TFE3: variants seen among roughly 807,000 people sequenced by gnomAD.
The protein encoded by TFE3 is transcription factor binding to IGHM enhancer 3, also known as transcription factor E3.
In TFE3, 5 loss-of-function variants were observed where a neutral mutation model predicts 35.0. The observed-to-expected ratio is 0.14, with a 90% CI of 0.07 to 0.30. The LOEUF is 0.30. Ranked by LOEUF, TFE3 falls within the 10% of genes least tolerant of loss-of-function variation. TFE3 has a pLI of 1.00. For synonymous variants in TFE3, 211 were observed against 215.6 expected (o/e 0.98, Z 0.18); for missense variants, 374 against 496.6 (o/e 0.75, Z 2.35).
intron 1 of TFE3, among the ~76,000 whole-genome samples, chrX:49,041,326 A>T (rs1234478438): frequency 9.0e-6 from 1 of 111,727 alleles, no homozygotes; most frequent in Non-Finnish European, 1.9e-5. Flanking sequence ...CCCTCAGCAT[A>T]ACAGTCCCTT....
intron 8 of TFE3, among the ~76,000 whole-genome samples, chrX:49,032,772 T>A (rs2147769544): frequency 9.1e-6 from 1 of 110,268 alleles, no homozygotes; most frequent in South Asian, 3.9e-4. Flanking sequence ...CCTCCCGGGT[T>A]CAAGTGATTC....
chrX:49,033,587 C>G, intron 7 of TFE3, 47 bp from the exon 8 acceptor site: 1 of 1,191,900 alleles, frequency 8.4e-7, no homozygotes, highest in Non-Finnish European at 1.1e-6. Context: ...AAAGAGTTGT[C>G]AATTAGCCAA....
Position 49,038,085 on chromosome X carries a change from G to A in TFE3, c.810C>T (p.Ser270=), listed in dbSNP as rs2147775936. 8.3e-7 allele frequency: 1 copy of A among 1,208,628 alleles called. No individual in the cohort carries two copies. The highest frequency in any genetic ancestry group is 1.8e-5 in the South Asian group (1 of 56,331). ...EIDDVIDEII[S]LESSYNDEML... Reference sequence around the variant, plus strand: ...TTTCATCATTGTAACTGGACTCCAGGCTGATGATCTCATCAATGACATCAT... The same window carrying A: ...TTTCATCATTGTAACTGGACTCCAGACTGATGATCTCATCAATGACATCAT... The change falls in exon 5 of 10, where the codon AGC becomes AGT. Residue 270 remains serine (S), a synonymous_variant. Transcript: ENST00000315869.
At chrX:49,033,603 G>C (rs1367355559) in intron 7 of TFE3, 63 bp from the exon 8 acceptor site, 1 of 1,184,328 alleles carries the variant, frequency 8.4e-7, no homozygotes, top group African/African-American at 1.8e-5. Flanking sequence ...GCCAAAAATG[G>C]AAGAGACAGA....
At position 49,030,406 on chromosome X, in the gene TFE3, C is replaced by T. The variant is rs782068672; in HGVS notation, c.1480G>A (p.Ala494Thr). The T allele has an allele frequency of 8.3e-7, 1 of 1,211,376 alleles. No individual in the cohort carries two copies. The highest frequency in any genetic ancestry group is 1.8e-5 in the South Asian group (1 of 56,982). Residue 494 changes from alanine to threonine, a missense_variant, in exon 10 of 10, where the codon GCA becomes ACA. Ala to Thr is a moderately conservative substitution (Grantham distance 58). Coordinates refer to ENST00000315869, the MANE Select transcript of TFE3 (RefSeq NM_006521.6). ...AQNAPHQQPPAPPSDALLDLH... is the reference protein window; with the variant it reads ...AQNAPHQQPPTPPSDALLDLH... ...TCCAGAAGGGCATCTGAGGGCGGTG[C>T]AGGGGGCTGCTGATGGGGAGCATTC...
intron 2 of TFE3, chrX:49,039,748 A>C (rs1395584929): frequency 5.7e-6 from 1 of 176,946 alleles, no homozygotes; most frequent in East Asian, 1.1e-4. Flanking sequence ...AGAGCAGAAG[A>C]AGCAGAATTG....
chrX:49,029,967 G>A lies in TFE3; in HGVS notation c.*191C>T, dbSNP rs782484357. Reference sequence around the variant, plus strand: ...TACCTGCACTGGGCGGTTCCTTTGGGGAAGGTGCAGGGCCTCATCTGACTC... The same window carrying A: ...TACCTGCACTGGGCGGTTCCTTTGGAGAAGGTGCAGGGCCTCATCTGACTC... On this transcript the variant is annotated 3_prime_UTR_variant, in exon 10 of 10. Coordinates refer to ENST00000315869, the MANE Select transcript of TFE3 (RefSeq NM_006521.6). The A allele has an allele frequency of 4.4e-5, 23 of 525,104 alleles. No individual in the cohort carries two copies. In the East Asian group the frequency reaches 7.6e-4, roughly 17 times the overall value. 43.3% of individuals were successfully genotyped at this position (525,104 alleles called of 1,213,427 possible).
rs782729168 is a variant in TFE3 at position 49,043,343 on chromosome X, T to C, written c.-117A>G. The C allele has an allele frequency of 7.2e-5, 40 of 558,507 alleles. No individual in the cohort carries two copies. The highest frequency in any genetic ancestry group is 1.2e-4 in the East Asian group (3 of 24,406). The allele number at this position is 558,507 out of a possible 1,213,427, so 46.0% of individuals were successfully genotyped here. On this transcript the variant is annotated 5_prime_UTR_variant, in exon 1 of 10. The change abolishes an upstream ATG in the 5' untranslated region. Coordinates refer to ENST00000315869, the MANE Select transcript of TFE3 (RefSeq NM_006521.6). ...CACCGCCGCCTCCTCCGCTAAGCCA[T>C]GGAGCTAGCACTGCGCGGGCGGGCG... is the stretch of plus-strand genomic sequence containing the variant.
chrX:49,028,969 T>G lies in TFE3; in HGVS notation c.*1189A>C, dbSNP rs782769695. 1.2e-5 allele frequency: 2 copies of G among 171,135 alleles called. No individual in the cohort carries two copies. The highest frequency in any genetic ancestry group is 2.2e-5 in the Non-Finnish European group (2 of 89,799). 14.1% of individuals were successfully genotyped at this position (171,135 alleles called of 1,213,427 possible). On this transcript the variant is annotated 3_prime_UTR_variant, in exon 10 of 10. Transcript: ENST00000315869. ...AGGTTGGGGTGGCCTAGATTCTCAG[T>G]ATGCGGAGCAATAAAAAAATCAGAT...
intron 8 of TFE3, among the ~76,000 whole-genome samples, chrX:49,032,990 C>T (rs1190842225): frequency 9.2e-6 from 1 of 108,822 alleles, no homozygotes; most frequent in Admixed American, 9.9e-5. Context: ...TTAGTAGAGA[C>T]GGGGTTTCAT....
chrX:49,033,951 C>T (rs968351524), intron 6 of TFE3, among the ~76,000 whole-genome samples, 169 bp from the exon 7 acceptor site: 3 of 111,974 alleles, frequency 2.7e-5, no homozygotes, highest in African/African-American at 9.7e-5. Context: ...AAATCCAAGA[C>T]GAGAGGAACT....
At chrX:49,041,282 T>TACAC (rs60375012) in intron 1 of TFE3, among the ~76,000 whole-genome samples, 10 of 108,740 alleles carry the variant, frequency 9.2e-5, no homozygotes, top group African/African-American at 2.7e-4. Flanking sequence ...TATATGTGTG[T>TACAC]ACACACACAC....
At position 49,030,299 on chromosome X, in the gene TFE3, C is replaced by G; in HGVS notation, c.1587G>C (p.Glu529Asp). 1 of 1,209,490 alleles carries G rather than the reference C, an allele frequency of 8.3e-7. No individual in the cohort carries two copies. The highest frequency in any genetic ancestry group is 1.1e-6 in the Non-Finnish European group (1 of 894,407). The change falls in exon 10 of 10, where the codon GAG becomes GAC. Residue 529 changes from glutamate (E) to aspartate (D), a missense_variant. Physicochemically the swap from Glu to Asp is conservative, Grantham distance 45. Coordinates refer to ENST00000315869, the MANE Select transcript of TFE3 (RefSeq NM_006521.6). ...LGLEDILMEE[E>D]EGVVGGLSGG... ...CCGACAGTCCTCCCACCACCCCCTC[C>G]TCCTCCTCCATCAGAATGTCCTCCA...
chrX:49,039,214 G>A lies in TFE3; in HGVS notation c.427C>T (p.Pro143Ser). Residue 143 changes from proline (P) to serine (S), a missense_variant, in exon 3 of 10, where the codon CCC becomes TCC. Physicochemically the swap from Pro to Ser is moderately conservative, Grantham distance 74 (BLOSUM62 -1). This residue lies in a region of TFE3 where 167 missense variants were observed against 297.2 expected (regional missense o/e 0.56). Transcript: ENST00000315869. The part of the protein sequence containing the change: ...RREQAAAAPF[P>S]SPAPASPAIS... ...GCAGGAGAGGCAGGTGCAGGACTGG[G>A]GAAGGGAGCCGCGGCGGCCTGTTCC... The A allele has an allele frequency of 2.5e-6, 3 of 1,208,590 alleles. No homozygotes were observed. Among genetic ancestry groups the A allele is most frequent in the Non-Finnish European group, 2.2e-6 (2 of 894,041 alleles).
chrX:49,043,069 G>A, intron 1 of TFE3, 42 bp downstream of exon 1: 2 of 1,071,637 alleles, frequency 1.9e-6, no homozygotes, highest in South Asian at 4.4e-5. Flanking sequence ...TCAGGCCCCT[G>A]GGAGCCCCAG....
At chrX:49,031,188 A>G (rs1272093788) in intron 9 of TFE3, among the ~76,000 whole-genome samples, 1 of 112,109 alleles carries the variant, frequency 8.9e-6, no homozygotes, top group Non-Finnish European at 1.9e-5. Flanking sequence ...ACAGAGCACA[A>G]GATAAATGCT....
At chrX:49,039,636 G>A (rs1171959142) in intron 2 of TFE3, 15 of 353,028 alleles carry the variant, frequency 4.2e-5, no homozygotes. Context: ...GGGAGTTTTA[G>A]CCTTTGGTCC....
At chrX:49,039,431 G>A (rs2064748948) in intron 2 of TFE3, 21 bp from the exon 3 acceptor site, 1 of 1,152,085 alleles carries the variant, frequency 8.7e-7, no homozygotes. Flanking sequence ...GGAAATATGG[G>A]GCCATATTTT....
chrX:49,041,035 T>C, intron 1 of TFE3, among the ~76,000 whole-genome samples: 1 of 107,750 alleles, frequency 9.3e-6, no homozygotes, highest in Non-Finnish European at 1.9e-5. Flanking sequence ...TGGGTTCAAG[T>C]GATTCTCACG....
Sources: gnomAD v4.1 joint callset for allele counts (sites outside exome capture counted in the v4.1 genomes callset) on GRCh38, gnomAD v4.1.1 for gene constraint, gnomAD v4.1.1 regional missense constraint, MANE v1.5 for transcripts, NCBI Gene and HGNC (gene_info 2026-07-23, HGNC 2026-07-21) for gene names.